Variants in AMPH observed in about 807,000 individuals in gnomAD.
AMPH encodes amphiphysin.
AMPH carries 49 observed loss-of-function variants against 99.1 expected under a neutral mutation model. The ratio of observed to expected loss-of-function variants is 0.49; its 90% confidence interval spans 0.39 to 0.63. AMPH has a LOEUF of 0.63. Among genes scored for constraint, AMPH ranks in the 20% least tolerant of loss-of-function variants. The pLI is 0.00. For missense variants in AMPH, 759 were observed against 863.4 expected (o/e 0.88, Z 1.52); for synonymous variants, 314 against 317.3 (o/e 0.99, Z 0.11).
chr7:38,467,640 A>ATGTGTGTGTGTGTGTGTGTGTG (rs70977407), intron 7 of AMPH, among the ~76,000 whole-genome samples: 17 of 148,846 alleles, frequency 1.1e-4, no homozygotes, highest in African/African-American at 4.2e-4. Context: ...CAATGGAAAT[A>ATGTGTGTGTGTGTGTGTGTGTG]TGTGTGTGTG....
intron 11 of AMPH, among the ~76,000 whole-genome samples, chr7:38,444,595 G>C (rs1786684916): frequency 6.6e-6 from 1 of 152,074 alleles, no homozygotes; most frequent in African/African-American, 2.4e-5. Context: ...GCAACCACCA[G>C]AGGCTAGGAG....
chr7:38,625,484 A>G (rs185227181), intron 1 of AMPH, among the ~76,000 whole-genome samples: 2 of 152,338 alleles, frequency 1.3e-5, no homozygotes, highest in African/African-American at 4.8e-5. Context: ...CTTCATGAAA[A>G]CTTTAAACTG....
At chr7:38,483,487 C>T (rs1354761049) in intron 5 of AMPH, among the ~76,000 whole-genome samples, 2 of 152,090 alleles carry the variant, frequency 1.3e-5, no homozygotes, top group Admixed American at 6.6e-5. Flanking sequence ...ACGATACAAC[C>T]TTTGGGGGCT....
At chr7:38,409,636 A>G (rs566227711) in intron 17 of AMPH, among the ~76,000 whole-genome samples, 1 of 152,090 alleles carries the variant, frequency 6.6e-6, no homozygotes, top group African/African-American at 2.4e-5. Flanking sequence ...CCTTCAGCTC[A>G]ATCATCTTTT....
chr7:38,385,684 T>A (rs56150805), intron 20 of AMPH, among the ~76,000 whole-genome samples: 4,750 of 144,572 alleles, frequency 0.033, 122 homozygotes, highest in African/African-American at 0.07. Flanking sequence ...AGAAGTGCCA[T>A]CACAAAAATG....
At chr7:38,416,107 A>ATATATATATATATATATATATATATAT (rs1302811606) in intron 17 of AMPH, among the ~76,000 whole-genome samples, 8 of 126,886 alleles carry the variant, frequency 6.3e-5, no homozygotes, top group Non-Finnish European at 9.7e-5. Context: ...ATATGAATAT[A>ATATATATATATATATATATATATATAT]TATATATATA....
rs547251884 is a variant in AMPH at position 38,505,392 on chromosome 7, A to C, written c.151-1688T>G. Among the ~76,000 whole-genome samples, 4 of 152,316 alleles carry C rather than the reference A, an allele frequency of 2.6e-5. No individual in the cohort carries two copies. In the East Asian group the frequency reaches 7.7e-4, roughly 29 times the overall value. ...TCTATAAACCCGGTTACTACCAGAC[A>C]AAAGCTTAGGATGAGTCCATTTGCT... is the stretch of plus-strand genomic sequence containing the variant. On this transcript the variant is annotated intron_variant, in intron 2 of 20. Coordinates refer to ENST00000356264, the MANE Select transcript of AMPH (RefSeq NM_001635.4).
In AMPH at chr7:38,496,063, G is replaced by A. The variant is rs779840899; in HGVS notation, c.206-1536C>T. ...TTGATGTCTTGGCCTTTGTCACTAC[G>A]GGGGATAAAAGGGGGCTGGAAACAG... On this transcript the variant is annotated intron_variant, in intron 3 of 20. Coordinates refer to ENST00000356264, the MANE Select transcript of AMPH (RefSeq NM_001635.4). Among the ~76,000 whole-genome samples the A allele has an allele frequency of 7.9e-5, 12 of 152,158 alleles. 1 individual carries two copies. Among genetic ancestry groups the A allele is most frequent in the Admixed American group, 2.0e-4 (3 of 15,280 alleles).
intron 19 of AMPH, 142 bp downstream of exon 19, chr7:38,391,606 C>G: frequency 1.2e-6 from 1 of 815,250 alleles, no homozygotes; most frequent in Non-Finnish European, 1.9e-6. Flanking sequence ...CTGGCTTGTC[C>G]AAGTGATGTT....
At chr7:38,480,792 C>T (rs917576418) in intron 5 of AMPH, among the ~76,000 whole-genome samples, 1 of 152,128 alleles carries the variant, frequency 6.6e-6, no homozygotes, top group African/African-American at 2.4e-5. Context: ...TCAAAGGAGG[C>T]TATCCCTTGA....
At chr7:38,525,299 G>T (rs1790136831) in intron 2 of AMPH, among the ~76,000 whole-genome samples, 2 of 147,516 alleles carry the variant, frequency 1.4e-5, no homozygotes, top group Admixed American at 6.8e-5. Context: ...GAGAGAGAGA[G>T]AGAGAGAGAG....
At chr7:38,610,335 A>G (rs1584302784) in intron 1 of AMPH, among the ~76,000 whole-genome samples, 5 of 33,360 alleles carry the variant, frequency 1.5e-4, no homozygotes, top group African/African-American at 6.4e-4. Flanking sequence ...AGAAAAGAAA[A>G]AAGAAAAGAA....
intron 12 of AMPH, among the ~76,000 whole-genome samples, chr7:38,433,724 CAAAAAAAAA>C (rs570503359): frequency 5.6e-5 from 3 of 53,192 alleles, no homozygotes; most frequent in East Asian, 7.4e-4. Flanking sequence ...GACTCCGTCT[CAAAAAAAAA>C]AAAAAAAAAA....
chr7:38,440,489 G>A (rs1584094396), intron 11 of AMPH, among the ~76,000 whole-genome samples: 1 of 152,092 alleles, frequency 6.6e-6, no homozygotes. Context: ...ACCAGAAATA[G>A]TAACTGCCTA....
chr7:38,468,961 C>T lies in AMPH; in HGVS notation c.591-2713G>A, dbSNP rs1236900959. On this transcript the variant is annotated intron_variant, in intron 7 of 20. Transcript: ENST00000356264. The stretch of plus-strand genomic sequence containing the variant: ...CGAGGTCAGGAGATCGAGACCATCC[C>T]GGCTAAAACGGTGAAACCCCGTCTC... Among the ~76,000 whole-genome samples, 75 of 125,022 alleles carry T rather than the reference C, an allele frequency of 6.0e-4. 18 individuals carry two copies. The highest frequency in any genetic ancestry group is 2.1e-3 in the African/African-American group (67 of 31,564). The allele number at this position is 125,022 out of a possible 152,430, so 82.0% of individuals were successfully genotyped here.
chr7:38,398,182 CA>C lies in AMPH; in HGVS notation c.1399-3969del, dbSNP rs33972156. 5.2e-4 allele frequency among the ~76,000 whole-genome samples: 60 copies of C among 114,746 alleles called. 1 individual carries two copies. The highest frequency in any genetic ancestry group is 8.7e-4 in the African/African-American group (27 of 30,962). The allele number at this position is 114,746 out of a possible 152,430, so 75.3% of individuals were successfully genotyped here. On this transcript the variant is annotated intron_variant, in intron 17 of 20. Transcript: ENST00000356264. ...GCAATCCCACTGCTAGGTATATACTCAAAAAAAAAAAAACAAAAAAAAAAGG... is the reference window on the plus strand; with the variant it reads ...GCAATCCCACTGCTAGGTATATACTCAAAAAAAAAAAACAAAAAAAAAAGG...
rs906490552 is a variant in AMPH at position 38,525,293 on chromosome 7, G to T, written c.150+9638C>A. ...ATATATATATAGAGAGAGAGAGAGAGAGAGAGAGAGAGAGAGAGAGGGAGC... is the reference window on the plus strand; with the variant it reads ...ATATATATATAGAGAGAGAGAGAGATAGAGAGAGAGAGAGAGAGAGGGAGC... On this transcript the variant is annotated intron_variant, in intron 2 of 20. Transcript: ENST00000356264. 4.9e-3 allele frequency among the ~76,000 whole-genome samples: 712 copies of T among 143,950 alleles called. 4 individuals carry two copies. The highest frequency in any genetic ancestry group is 7.7e-3 in the Admixed American group (110 of 14,366). 94.4% of individuals were successfully genotyped at this position (143,950 alleles called of 152,430 possible). A position where few individuals can be genotyped will look rare whatever the true frequency, so the allele number is the denominator to read the frequency against.
chr7:38,476,094 G>A (rs1385781347), intron 6 of AMPH, among the ~76,000 whole-genome samples: 1 of 152,170 alleles, frequency 6.6e-6, no homozygotes, highest in African/African-American at 2.4e-5. Context: ...ATTTGTTATT[G>A]TGAACTGCTC....
At position 38,486,836 on chromosome 7, in the gene AMPH, C is replaced by T. The variant is rs1788516345; in HGVS notation, c.396+4214G>A. ...AATGAAAGATAAGAATCGCATAATC[C>T]TTTCAGTAGATGTAGAAAATGCATT... On this transcript the variant is annotated intron_variant, in intron 5 of 20. Coordinates refer to ENST00000356264, the MANE Select transcript of AMPH (RefSeq NM_001635.4). Among the ~76,000 whole-genome samples the T allele has an allele frequency of 7.9e-5, 12 of 152,126 alleles. No individual in the cohort carries two copies. The South Asian group carries it at 2.5e-3, about 32-fold the overall frequency.
Sources: allele counts gnomAD v4.1 joint callset (sites outside exome capture counted in the v4.1 genomes callset), GRCh38; gene constraint gnomAD v4.1.1; transcripts MANE v1.5; gene names NCBI Gene and HGNC (gene_info 2026-07-23, HGNC 2026-07-21).